Variants in BRF1 observed in about 807,000 individuals in gnomAD.
BRF1 encodes BRF1 general transcription factor IIIB subunit.
Under a neutral mutation model 81.7 loss-of-function variants are expected in BRF1, and 59 were observed. The observed-to-expected ratio is 0.72, with a 90% confidence interval of 0.59 to 0.90. The LOEUF is 0.90. Among genes scored for constraint, BRF1 ranks in the 40% least tolerant of loss-of-function variants. The pLI, the probability that BRF1 is intolerant of heterozygous loss-of-function variation, is 0.00. For missense variants in BRF1, 1,050 were observed against 936.3 expected, an observed-to-expected ratio of 1.12 and a Z score of -1.58; for synonymous variants, 491 against 395.6, an observed-to-expected ratio of 1.24 and a Z score of -2.86.
intron 4 of BRF1, among the ~76,000 whole-genome samples, chr14:105,253,457 C>T (rs2055717002): frequency 2.0e-5 from 3 of 152,206 alleles, no homozygotes; most frequent in Admixed American, 2.0e-4. Flanking sequence ...TAGCCTCCCC[C>T]AAAGAATTCC....
At chr14:105,301,679 T>C (rs587748848), upstream of BRF1, among the ~76,000 whole-genome samples, 21 of 152,292 alleles carry the variant, frequency 1.4e-4, 1 homozygote, top group Admixed American at 6.5e-4. Context: ...CCCCTAAAAT[T>C]CCCACTTTCT....
intron 3 of BRF1, among the ~76,000 whole-genome samples, chr14:105,260,393 A>G (rs1276437189): frequency 1.3e-5 from 2 of 151,444 alleles, no homozygotes; most frequent in Non-Finnish European, 2.9e-5. Context: ...TTTTCCCGAG[A>G]TGAAGTCTTG....
At chr14:105,226,219 A>C (rs1329820336) in intron 9 of BRF1, 32 bp downstream of exon 9, 1 of 1,613,980 alleles carries the variant, frequency 6.2e-7, no homozygotes, top group Non-Finnish European at 8.5e-7. Context: ...CCAACAAAAC[A>C]GAAGCATTAC....
intron 5 of BRF1, chr14:105,248,099 A>G: frequency 1.0e-6 from 1 of 985,436 alleles, no homozygotes; most frequent in Non-Finnish European, 1.2e-6. Flanking sequence ...TTCCTCGAGG[A>G]AAATGCCGGG....
At chr14:105,310,659 G>A (rs770220274) in intron 1 of BRF1, among the ~76,000 whole-genome samples, 2 of 152,054 alleles carry the variant, frequency 1.3e-5, no homozygotes, top group African/African-American at 2.4e-5. Context: ...TTTTCAGGAC[G>A]GGGCGCAGCC....
Position 105,315,075 on chromosome 14 carries a change from C to G in BRF1, c.-162+247G>C, listed in dbSNP as rs587752605. ...CGCCGCGCTTTGTTCCCGCCGGGCACCTGCTGGGGGTGTCCTGGCCGCGGC... is the reference window on the plus strand; with the variant it reads ...CGCCGCGCTTTGTTCCCGCCGGGCAGCTGCTGGGGGTGTCCTGGCCGCGGC... On this transcript the variant is annotated intron_variant, in intron 1 of 17. Coordinates refer to the BRF1 transcript ENST00000327359. This position sits in a 1 kb window ranked among gnomAD's most constrained non-coding sequence, Gnocchi z 4.4. 2.2e-5 allele frequency: 25 copies of G among 1,116,572 alleles called. No individual in the cohort carries two copies. Among genetic ancestry groups the G allele is most frequent in the Non-Finnish European group, 2.8e-5 (25 of 906,172 alleles). 69.2% of individuals were successfully genotyped at this position (1,116,572 alleles called of 1,614,324 possible). A position where few individuals can be genotyped will look rare whatever the true frequency, so the allele number is the denominator to read the frequency against.
At chr14:105,287,419 G>A (rs587652115) in intron 1 of BRF1, among the ~76,000 whole-genome samples, 65 of 152,292 alleles carry the variant, frequency 4.3e-4, no homozygotes, top group South Asian at 4.1e-4. Context: ...AGTGCCCCCC[G>A]CCCCGCAGCG....
chr14:105,300,352 G>A, intron 1 of BRF1, 94 bp downstream of exon 1: 2 of 1,321,852 alleles, frequency 1.5e-6, no homozygotes, highest in Non-Finnish European at 2.0e-6. Context: ...AGAGCGTGCG[G>A]TACCGAGGCG....
chr14:105,266,064 C>CT (rs1566849756), intron 3 of BRF1, among the ~76,000 whole-genome samples: 1 of 151,854 alleles, frequency 6.6e-6, no homozygotes, highest in Non-Finnish European at 1.5e-5. Flanking sequence ...CAGTGAGACT[C>CT]TGTCTCAAAA....
chr14:105,241,726 C>G, intron 5 of BRF1: 2 of 429,604 alleles, frequency 4.7e-6, no homozygotes, highest in Non-Finnish European at 8.7e-6. Flanking sequence ...AGCCTTCCCT[C>G]CAGACCATGC....
At chr14:105,253,245 G>C (rs1244550372) in intron 4 of BRF1, among the ~76,000 whole-genome samples, 1 of 152,200 alleles carries the variant, frequency 6.6e-6, no homozygotes, top group Admixed American at 6.5e-5. Context: ...CGTGGGCCGA[G>C]TACCCCTAAG....
In BRF1 at chr14:105,228,858, G is replaced by T; in HGVS notation, c.750C>A (p.Ile250=). 1 of 1,613,902 alleles carries T rather than the reference G, an allele frequency of 6.2e-7. No individual in the cohort carries two copies. Among genetic ancestry groups the T allele is most frequent in the Non-Finnish European group, 8.5e-7 (1 of 1,180,006 alleles). The change falls in exon 7 of 18, where the codon ATC becomes ATA. Residue 250 remains isoleucine (I), a synonymous_variant. Coordinates refer to ENST00000547530, the MANE Select transcript of BRF1 (RefSeq NM_001519.4). ...TGGACTCACACACTTTGACCACACT[G>T]ATGACCTCCTTCACAGTCCTCCTGA... is the stretch of plus-strand genomic sequence containing the variant. ...HDFRRTVKEV[I]SVVKVCESTL...
rs1016762061 is a variant in BRF1, at chr14:105,291,591, A to C, written c.185-5215T>G. ...CAGCTACTCGGGAGGCTGAGGCAGG[A>C]GAACTGCTTGAACCCAGGAGATGGA... is the stretch of plus-strand genomic sequence containing the variant. On this transcript the variant is annotated intron_variant, in intron 1 of 17. Transcript: ENST00000547530. 8.5e-5 allele frequency among the ~76,000 whole-genome samples: 13 copies of C among 152,228 alleles called. No homozygotes were observed. The South Asian group carries it at 1.2e-3, about 15-fold the overall frequency.
intron 3 of BRF1, among the ~76,000 whole-genome samples, chr14:105,262,979 G>A (rs934696745): frequency 6.6e-6 from 1 of 151,668 alleles, no homozygotes; most frequent in Admixed American, 6.6e-5. Context: ...GGTGGCTCAC[G>A]CCTGTAATCC....
intron 2 of BRF1, among the ~76,000 whole-genome samples, chr14:105,279,289 A>C (rs2056972826): frequency 6.6e-6 from 1 of 152,236 alleles, no homozygotes; most frequent in African/African-American, 2.4e-5. Context: ...ACGTGGGAGG[A>C]GGATTCGAAA....
intron 6 of BRF1, among the ~76,000 whole-genome samples, chr14:105,229,363 G>A (rs587730122): frequency 1.3e-5 from 2 of 152,350 alleles, no homozygotes; most frequent in East Asian, 3.9e-4. Context: ...TGGAGATCAT[G>A]TGTGCAGATG....
At chr14:105,278,702 T>C (rs1473456435) in intron 2 of BRF1, among the ~76,000 whole-genome samples, 2 of 151,534 alleles carry the variant, frequency 1.3e-5, no homozygotes, top group African/African-American at 2.4e-5. Flanking sequence ...GCCCAGGAGT[T>C]GAAGACCAAC....
Position 105,212,743 on chromosome 14 carries a change from G to A in BRF1, c.1773-579C>T, listed in dbSNP as rs3784229. The A allele has an allele frequency of 9.0e-3, 1,375 of 153,506 alleles. 44 individuals are homozygous for A. The highest frequency in any genetic ancestry group is 0.058 in the Admixed American group (903 of 15,524). The allele number at this position is 153,506 out of a possible 1,614,324, so 9.5% of individuals were successfully genotyped here. A position where few individuals can be genotyped will look rare whatever the true frequency, so the allele number is the denominator to read the frequency against. On this transcript the variant is annotated intron_variant, in intron 15 of 17. Transcript: ENST00000547530. ...ACAACCTCCAGCACGGACACACAGG[G>A]CTGTCGGGCGGGCAATGAGAGGGCT...
At chr14:105,270,243 G>A (rs1341019614) in intron 3 of BRF1, among the ~76,000 whole-genome samples, 4 of 150,950 alleles carry the variant, frequency 2.6e-5, no homozygotes, top group South Asian at 2.1e-4. Context: ...GCGCGATCTC[G>A]GCTCACTGCA....
Sources: gnomAD v4.1 joint callset for allele counts (sites outside exome capture counted in the v4.1 genomes callset) on GRCh38, gnomAD v4.1.1 for gene constraint, Gnocchi (gnomAD v3.1) non-coding constraint, MANE v1.5 for transcripts, NCBI Gene and HGNC (gene_info 2026-07-23, HGNC 2026-07-21) for gene names.